Variants in ARHGAP10 observed in about 807,000 individuals in gnomAD.
ARHGAP10 encodes the protein rho GTPase-activating protein 10.
A neutral mutation model predicts 108.6 loss-of-function variants in ARHGAP10; 87 were observed. The ratio of observed to expected loss-of-function variants is 0.80; its 90% CI spans 0.67 to 0.96. ARHGAP10 has a LOEUF of 0.96. Ranked by LOEUF, ARHGAP10 falls within the 40% of genes least tolerant of loss-of-function variation. ARHGAP10 has a pLI of 0.00. For missense variants in ARHGAP10, 939 were observed against 954.5 expected (o/e 0.98, Z 0.21); for synonymous variants, 347 against 341.1 (o/e 1.02, Z -0.19).
At position 148,046,927 on chromosome 4, in the gene ARHGAP10, A is replaced by G; in HGVS notation, c.1903A>G (p.Thr635Ala). 1 of 1,614,014 alleles carries G rather than the reference A, an allele frequency of 6.2e-7. No individual in the cohort carries two copies. The highest frequency in any genetic ancestry group is 8.5e-7 in the Non-Finnish European group (1 of 1,179,970). ...NPYPSKEDTP[T>A]SSLDSLSSPS... ...TTACCCTTCCAAGGAGGACACCCCT[A>G]CCAGCAGTCTGGACTCACTTTCCTC... The change falls in exon 20 of 23, where the codon ACC (threonine) becomes GCC (alanine). Residue 635 changes from threonine to alanine, a missense_variant. Coordinates refer to ENST00000336498, the MANE Select transcript of ARHGAP10 (RefSeq NM_024605.4).
chr4:148,065,958 T>C (rs1051117369), intron 22 of ARHGAP10, among the ~76,000 whole-genome samples: 16 of 104,750 alleles, frequency 1.5e-4, no homozygotes, highest in African/African-American at 5.8e-4. Context: ...CCAGCCTGGA[T>C]AACACAGTGA....
At chr4:148,071,419 C>T (rs780070009) in intron 22 of ARHGAP10, among the ~76,000 whole-genome samples, 1 of 152,190 alleles carries the variant, frequency 6.6e-6, no homozygotes, top group Non-Finnish European at 1.5e-5. Flanking sequence ...AGTTTAAGAG[C>T]AGGCTGGCCA....
intron 1 of ARHGAP10, among the ~76,000 whole-genome samples, chr4:147,784,532 AC>A (rs1730728347): frequency 1.2e-4 from 3 of 26,040 alleles, no homozygotes; most frequent in Admixed American, 7.1e-4. Context: ...ATAATATAAA[AC>A]ATATATTTTA....
At chr4:147,865,561 A>G (rs1192425760) in intron 6 of ARHGAP10, 1 of 149,012 alleles carries the variant, frequency 6.7e-6, no homozygotes. Flanking sequence ...TGTAAAGGAT[A>G]TTTCATGTGG....
intron 13 of ARHGAP10, among the ~76,000 whole-genome samples, chr4:147,921,444 G>T (rs890903284): frequency 1.3e-5 from 2 of 152,124 alleles, no homozygotes; most frequent in Non-Finnish European, 2.9e-5. Context: ...GTGGAGAGAA[G>T]AATTTTCTGA....
At chr4:147,964,726 G>A (rs1372947555) in intron 16 of ARHGAP10, among the ~76,000 whole-genome samples, 1 of 152,206 alleles carries the variant, frequency 6.6e-6, no homozygotes, top group Non-Finnish European at 1.5e-5. Context: ...AACACAGCAT[G>A]TCAGAAGGAG....
At chr4:147,919,402 C>T (rs193288534) in intron 13 of ARHGAP10, among the ~76,000 whole-genome samples, 3 of 152,084 alleles carry the variant, frequency 2.0e-5, no homozygotes, top group African/African-American at 4.8e-5. Context: ...GTGTGGGAGT[C>T]ACATCAACTC....
At chr4:147,766,827 TATATA>T (rs1729847967) in intron 1 of ARHGAP10, among the ~76,000 whole-genome samples, 6 of 115,940 alleles carry the variant, frequency 5.2e-5, no homozygotes, top group African/African-American at 2.1e-4. Context: ...TATATATATA[TATATA>T]TATATATTTA....
At chr4:147,734,037 A>G (rs1300125204) in intron 1 of ARHGAP10, among the ~76,000 whole-genome samples, 1 of 151,960 alleles carries the variant, frequency 6.6e-6, no homozygotes, top group African/African-American at 2.4e-5. Context: ...AGGAGTGAGC[A>G]TAGAAAGGAG....
intron 13 of ARHGAP10, among the ~76,000 whole-genome samples, chr4:147,938,992 A>G (rs1738064028): frequency 6.6e-6 from 1 of 152,232 alleles, no homozygotes; most frequent in Admixed American, 6.5e-5. Context: ...TGTTTCATCT[A>G]TCCCTTTTTC....
chr4:147,743,385 A>G (rs1728775320), intron 1 of ARHGAP10, among the ~76,000 whole-genome samples: 1 of 152,120 alleles, frequency 6.6e-6, no homozygotes, highest in African/African-American at 2.4e-5. Flanking sequence ...CAGCAAACAT[A>G]CTAAAATAGA....
chr4:147,883,661 C>G (rs969272827), intron 10 of ARHGAP10, among the ~76,000 whole-genome samples: 2 of 152,092 alleles, frequency 1.3e-5, no homozygotes, highest in Admixed American at 1.3e-4. Context: ...CCCCTGCATT[C>G]TCCTCCTAGA....
At position 148,009,259 on chromosome 4, in the gene ARHGAP10, G is replaced by A. The variant is rs1741078787; in HGVS notation, c.1717-14004G>A. Among the ~76,000 whole-genome samples, 3 of 151,964 alleles carry A rather than the reference G, an allele frequency of 2.0e-5. No homozygotes were observed. The South Asian group carries it at 6.2e-4, about 32-fold the overall frequency. ...TGATTCTCCTGCCTCAGCCTCCCAT[G>A]TAGCTGGGATTACAGGTGCACACCA... On this transcript the variant is annotated intron_variant, in intron 18 of 22. Coordinates refer to ENST00000336498, the MANE Select transcript of ARHGAP10 (RefSeq NM_024605.4).
intron 16 of ARHGAP10, among the ~76,000 whole-genome samples, chr4:147,964,791 A>T (rs1739142318): frequency 6.6e-6 from 1 of 152,188 alleles, no homozygotes; most frequent in African/African-American, 2.4e-5. Flanking sequence ...CACCGATTGC[A>T]GCCACACTGA....
At chr4:147,931,313 GA>G (rs5862824) in intron 13 of ARHGAP10, among the ~76,000 whole-genome samples, 134,346 of 145,834 alleles carry the variant, frequency 0.92, 61,773 homozygotes, top group Admixed American at 0.95. Flanking sequence ...TATTAAGAGA[GA>G]AAAAAAAAAA....
chr4:147,936,224 C>T (rs960047689), intron 13 of ARHGAP10, among the ~76,000 whole-genome samples: 1 of 151,800 alleles, frequency 6.6e-6, no homozygotes, highest in African/African-American at 2.4e-5. Flanking sequence ...TTTCCTGTAT[C>T]GGGCTCAAAA....
At chr4:147,754,992 G>T (rs886135041) in intron 1 of ARHGAP10, among the ~76,000 whole-genome samples, 1 of 151,638 alleles carries the variant, frequency 6.6e-6, no homozygotes, top group Non-Finnish European at 1.5e-5. Context: ...TGAGGCAGGA[G>T]AATTGCTTGA....
chr4:147,966,745 C>T lies in ARHGAP10; in HGVS notation c.1622C>T (p.Thr541Ile). The change falls in exon 18 of 23, where the codon ACT becomes ATT. Residue 541 changes from threonine to isoleucine, a missense_variant. Thr to Ile is a moderately conservative substitution (Grantham distance 89). Transcript: ENST00000336498. ...AACTTAGGAGTGGTGTTTGGACCAA[C>T]TCTGATGAGGCCACAGGAAGAAACT... ...VANLGVVFGP[T>I]LMRPQEETVA... 1.2e-6 allele frequency: 2 copies of T among 1,606,482 alleles called. No individual in the cohort carries two copies. The highest frequency in any genetic ancestry group is 1.7e-6 in the Non-Finnish European group (2 of 1,174,778).
At chr4:147,883,210 A>G (rs1023314164) in intron 10 of ARHGAP10, among the ~76,000 whole-genome samples, 2 of 152,222 alleles carry the variant, frequency 1.3e-5, no homozygotes, top group Non-Finnish European at 2.9e-5. Context: ...TTTTGCCAAG[A>G]TAGGAAAAAT....
Sources: gnomAD v4.1 joint callset for allele counts (sites outside exome capture counted in the v4.1 genomes callset) on GRCh38, gnomAD v4.1.1 for gene constraint, MANE v1.5 for transcripts, NCBI Gene and HGNC (gene_info 2026-07-23, HGNC 2026-07-21) for gene names.